The following TNFSF18 variants were observed in gnomAD, a reference collection of about 807,000 sequenced individuals.
TNFSF18 encodes tumor necrosis factor ligand superfamily member 18.
TNFSF18 carries 6 observed loss-of-function variants against 9.6 expected under a neutral mutation model. The ratio of observed to expected loss-of-function variants is 0.63; its 90% confidence interval spans 0.34 to 1.24. TNFSF18 has a LOEUF of 1.24. Ranked by LOEUF, TNFSF18 falls within the 50% of genes most tolerant of loss-of-function variation. The pLI is 0.03. For synonymous variants in TNFSF18, 68 were observed against 71.7 expected (o/e 0.95, Z 0.26); for missense variants, 210 against 201.0 (o/e 1.04, Z -0.27).
intron 1 of TNFSF18, among the ~76,000 whole-genome samples, chr1:173,045,948 A>C (rs1665074438): frequency 6.6e-6 from 1 of 152,144 alleles, no homozygotes; most frequent in South Asian, 2.1e-4. Flanking sequence ...TTCTCTTAAA[A>C]TATGGAGGCA....
At position 173,041,048 on chromosome 1, in the gene TNFSF18, G is replaced by T; in HGVS notation, c.*319C>A. On this transcript the variant is annotated 3_prime_UTR_variant, in exon 3 of 3. Coordinates refer to ENST00000404377, the MANE Select transcript of TNFSF18 (RefSeq NM_005092.4). ...TTTGCATACCAGGTAAATCTTCCATGGGAATAGAACTCCATTTTTCCACTC... is the reference window on the plus strand; with the variant it reads ...TTTGCATACCAGGTAAATCTTCCATTGGAATAGAACTCCATTTTTCCACTC... 1 of 203,944 alleles carries T rather than the reference G, an allele frequency of 4.9e-6. No homozygotes were observed. The highest frequency in any genetic ancestry group is 2.3e-5 in the African/African-American group (1 of 43,576). 12.6% of individuals were successfully genotyped at this position (203,944 alleles called of 1,614,324 possible).
At position 173,039,267 on chromosome 1, in the gene TNFSF18, A is replaced by C. The variant is rs972181737; in HGVS notation, c.*2100T>G. On this transcript the variant is annotated 3_prime_UTR_variant, in exon 3 of 3. Transcript: ENST00000404377. ...CTACTATGTGGAGAAACAGGAAAACAGTATACATTGAAAACAAAAGCTAAA... is the reference window on the plus strand; with the variant it reads ...CTACTATGTGGAGAAACAGGAAAACCGTATACATTGAAAACAAAAGCTAAA... Among the ~76,000 whole-genome samples, 2 of 152,214 alleles carry C rather than the reference A, an allele frequency of 1.3e-5. No individual in the cohort carries two copies. Among genetic ancestry groups the C allele is most frequent in the African/African-American group, 4.8e-5 (2 of 41,454 alleles).
chr1:173,046,880 T>TG (rs1553199929), intron 1 of TNFSF18, among the ~76,000 whole-genome samples: 12 of 136,610 alleles, frequency 8.8e-5, no homozygotes, highest in South Asian at 3.1e-4. Flanking sequence ...CTTGTTTTTT[T>TG]TTGTTGTTGT....
At chr1:173,049,143 T>C (rs1230666529) in intron 1 of TNFSF18, among the ~76,000 whole-genome samples, 4 of 152,202 alleles carry the variant, frequency 2.6e-5, no homozygotes. Flanking sequence ...CCAGTTTGAT[T>C]CTGAAGAGAG....
At position 173,041,253 on chromosome 1, in the gene TNFSF18, T is replaced by G; in HGVS notation, c.*114A>C. 1 of 852,298 alleles carries G rather than the reference T, an allele frequency of 1.2e-6. No individual in the cohort carries two copies. The highest frequency in any genetic ancestry group is 1.8e-6 in the Non-Finnish European group (1 of 555,826). 52.8% of individuals were successfully genotyped at this position (852,298 alleles called of 1,614,324 possible). A position where few individuals can be genotyped will look rare whatever the true frequency, so the allele number is the denominator to read the frequency against. On this transcript the variant is annotated 3_prime_UTR_variant, in exon 3 of 3. Coordinates refer to ENST00000404377, the MANE Select transcript of TNFSF18 (RefSeq NM_005092.4). ...AAATTCACGTGCAGAGGAGTTCTGT[T>G]TGTGTTGATTTTTGTAGACAGACAA...
At chr1:173,041,797 TACCACATACA>T in intron 2 of TNFSF18, 84 bp from the exon 3 acceptor site, 1 of 1,277,794 alleles carries the variant, frequency 7.8e-7, no homozygotes, top group Non-Finnish European at 1.1e-6. Context: ...GTTAATTATT[TACCACATACA>T]TGTTGTTTCT....
intron 1 of TNFSF18, among the ~76,000 whole-genome samples, chr1:173,047,142 C>T (rs1323291738): frequency 6.6e-6 from 1 of 152,254 alleles, no homozygotes; most frequent in South Asian, 2.1e-4. Context: ...GCAATCTACC[C>T]GCCTCAGCCT....
In TNFSF18 at chr1:173,039,737, TATAC is replaced by T. The variant is rs948605525; in HGVS notation, c.*1626_*1629del. Among the ~76,000 whole-genome samples the T allele has an allele frequency of 3.4e-4, 50 of 148,584 alleles. No individual in the cohort carries two copies. In the East Asian group the frequency reaches 7.5e-3, roughly 22 times the overall value. On this transcript the variant is annotated 3_prime_UTR_variant, in exon 3 of 3. Transcript: ENST00000404377. The stretch of plus-strand genomic sequence containing the variant: ...GTATACATATATATACACACACACA[TATAC>T]ACACACACACACACACACACACACA...
chr1:173,039,721 TATATACACACACAC>T lies in TNFSF18; in HGVS notation c.*1632_*1645del, dbSNP rs1057188517. The stretch of plus-strand genomic sequence containing the variant: ...CACCAAGATTTTATAAGTATACATA[TATATACACACACAC>T]ATATACACACACACACACACACACA... On this transcript the variant is annotated 3_prime_UTR_variant, in exon 3 of 3. Coordinates refer to ENST00000404377, the MANE Select transcript of TNFSF18 (RefSeq NM_005092.4). Among the ~76,000 whole-genome samples, 9 of 150,068 alleles carry T rather than the reference TATATACACACACAC, an allele frequency of 6.0e-5. No homozygotes were observed. The highest frequency in any genetic ancestry group is 8.9e-5 in the Non-Finnish European group (6 of 67,678).
intron 1 of TNFSF18, among the ~76,000 whole-genome samples, chr1:173,044,959 C>T (rs1020148748): frequency 6.6e-6 from 1 of 152,094 alleles, no homozygotes; most frequent in African/African-American, 2.4e-5. Flanking sequence ...ACAAAGATGA[C>T]TCCAGTATTT....
Position 173,041,732 on chromosome 1 carries a change from G to A in TNFSF18, c.188-19C>T. 1 of 1,531,250 alleles carries A rather than the reference G, an allele frequency of 6.5e-7. No individual in the cohort carries two copies. The highest frequency in any genetic ancestry group is 1.3e-5 in the South Asian group (1 of 78,936). 94.9% of individuals were successfully genotyped at this position (1,531,250 alleles called of 1,614,324 possible). ...AATGGTCCTATAAGAAATATACAAG[G>A]ATAAAAAAGATGAAAGCATAGTTAT... On this transcript the variant is annotated intron_variant, in intron 2 of 2. Coordinates refer to ENST00000404377, the MANE Select transcript of TNFSF18 (RefSeq NM_005092.4).
chr1:173,046,824 G>A (rs1236880728), intron 1 of TNFSF18, among the ~76,000 whole-genome samples: 2 of 151,564 alleles, frequency 1.3e-5, no homozygotes, highest in African/African-American at 2.4e-5. Flanking sequence ...CAATTAAAAA[G>A]TCTGAAAGCC....
chr1:173,045,584 A>G (rs942485591), intron 1 of TNFSF18, among the ~76,000 whole-genome samples: 15 of 152,160 alleles, frequency 9.9e-5, no homozygotes, highest in Admixed American at 9.8e-4. Flanking sequence ...TAGGGAGAGC[A>G]GAAAAAAATG....
At position 173,041,528 on chromosome 1, in the gene TNFSF18, G is replaced by A; in HGVS notation, c.373C>T (p.Gln125Ter). 6.2e-7 allele frequency: 1 copy of A among 1,613,448 alleles called. No individual in the cohort carries two copies. The highest frequency in any genetic ancestry group is 1.3e-5 in the African/African-American group (1 of 75,006). ...VRLYKNKDMI[Q>*]TLTNKSKIQN... is the part of the protein sequence containing the mutation. Reference sequence around the variant, plus strand: ...ATTTTAGATTTGTTTGTTAGAGTTTGTATCATGTCTTTGTTTTTATACAGC... The same window carrying A: ...ATTTTAGATTTGTTTGTTAGAGTTTATATCATGTCTTTGTTTTTATACAGC... The change falls in exon 3 of 3, where the codon CAA (glutamine) becomes TAA (stop). Residue 125 changes from glutamine (Q) to a stop codon, truncating the protein, a stop_gained. Transcript: ENST00000404377. LOFTEE classifies it low-confidence loss of function (END_TRUNC).
chr1:173,049,827 A>C (rs1230011656), intron 1 of TNFSF18, among the ~76,000 whole-genome samples: 5 of 152,098 alleles, frequency 3.3e-5, no homozygotes, highest in Non-Finnish European at 7.4e-5. Flanking sequence ...AGCATTTCTT[A>C]TTTTCTTTTT....
intron 1 of TNFSF18, among the ~76,000 whole-genome samples, chr1:173,044,428 T>C (rs955342558): frequency 3.9e-5 from 6 of 152,158 alleles, no homozygotes; most frequent in African/African-American, 1.4e-4. Context: ...ACAACTCAGA[T>C]TGATGAAACC....
In TNFSF18 at chr1:173,041,335, G is replaced by A. The variant is rs1557844368; in HGVS notation, c.*32C>T. The A allele has an allele frequency of 6.6e-7, 1 of 1,518,562 alleles. No individual in the cohort carries two copies. The highest frequency in any genetic ancestry group is 9.0e-7 in the Non-Finnish European group (1 of 1,115,700). 94.1% of individuals were successfully genotyped at this position (1,518,562 alleles called of 1,614,324 possible). On this transcript the variant is annotated 3_prime_UTR_variant, in exon 3 of 3. Transcript: ENST00000404377. Reference sequence around the variant, plus strand: ...TCCACCCACTGGCACCTCTACATGTGCTGAAGGGAATGAGGAGATCAAATC... The same window carrying A: ...TCCACCCACTGGCACCTCTACATGTACTGAAGGGAATGAGGAGATCAAATC...
chr1:173,041,636 T>A lies in TNFSF18; in HGVS notation c.265A>T (p.Ile89Leu). The change falls in exon 3 of 3, where the codon ATA becomes TTA. Residue 89 changes from isoleucine to leucine, a missense_variant. Coordinates refer to ENST00000404377, the MANE Select transcript of TNFSF18 (RefSeq NM_005092.4). ...VNKVSDWKLE[I>L]LQNGLYLIYG... ...ATTAAATATAAGCCATTCTGAAGTATCTCCAGCTTCCAGTCAGACACCTTA... is the reference window on the plus strand; with the variant it reads ...ATTAAATATAAGCCATTCTGAAGTAACTCCAGCTTCCAGTCAGACACCTTA... 1 of 1,613,508 alleles carries A rather than the reference T, an allele frequency of 6.2e-7. No homozygotes were observed. The highest frequency in any genetic ancestry group is 8.5e-7 in the Non-Finnish European group (1 of 1,179,592).
chr1:173,042,608 T>C (rs905029160), intron 2 of TNFSF18, among the ~76,000 whole-genome samples: 1 of 152,110 alleles, frequency 6.6e-6, no homozygotes, highest in Non-Finnish European at 1.5e-5. Flanking sequence ...CTGTCCCAAA[T>C]GGTAAAGAAA....
Sources: gnomAD v4.1 joint callset for allele counts (sites outside exome capture counted in the v4.1 genomes callset) on GRCh38, gnomAD v4.1.1 for gene constraint, MANE v1.5 for transcripts, NCBI Gene and HGNC (gene_info 2026-07-23, HGNC 2026-07-21) for gene names.